SHF: variants seen among roughly 807,000 people sequenced by gnomAD.
SHF encodes Src homology 2 domain containing F.
In SHF, 30 loss-of-function variants were observed where a neutral mutation model predicts 42.4. The observed-to-expected ratio is 0.71, with a 90% CI of 0.53 to 0.96. SHF has a LOEUF of 0.96. SHF is among the 40% of genes least tolerant of loss of function. The probability of loss-of-function intolerance (pLI) is 0.00; values close to 1 mark genes in which losing one functional copy is unlikely to be tolerated. For synonymous variants in SHF, 264 were observed against 269.9 expected, an observed-to-expected ratio of 0.98 and a Z score of 0.21; for missense variants, 598 against 634.0, an observed-to-expected ratio of 0.94 and a Z score of 0.61.
chr15:45,186,331 G>A (rs982218226), intron 1 of SHF, among the ~76,000 whole-genome samples: 1 of 152,346 alleles, frequency 6.6e-6, no homozygotes, highest in South Asian at 2.1e-4. Context: ...GCGGAACGGC[G>A]CTCTCTCAGC....
At position 45,167,992 on chromosome 15, in the gene SHF, G is replaced by A. The variant is rs1442280331; in HGVS notation, c.1422C>T (p.Ala474=). The change falls in exon 7 of 7, where the codon GCC becomes GCT. Residue 474 remains alanine, a synonymous_variant. Transcript: ENST00000690270. ...CAGGGTAGAGCAGGGACATGTGTTC[G>A]GCTCCCTTAATGGGTAGCTTGCGGC... ...YASRKLPIKG[A]EHMSLLYPVA... 3 of 1,613,094 alleles carry A rather than the reference G, an allele frequency of 1.9e-6. No homozygotes were observed. The highest frequency in any genetic ancestry group is 2.5e-6 in the Non-Finnish European group (3 of 1,179,426).
upstream of SHF, among the ~76,000 whole-genome samples, chr15:45,191,803 T>G (rs1210807376): frequency 6.6e-6 from 1 of 152,076 alleles, no homozygotes; most frequent in Non-Finnish European, 1.5e-5. Flanking sequence ...GAAAGTATAC[T>G]GGAGGCTGGG....
intron 2 of SHF, among the ~76,000 whole-genome samples, chr15:45,176,335 T>C (rs1350459543): frequency 2.0e-5 from 3 of 150,386 alleles, no homozygotes; most frequent in African/African-American, 7.4e-5. Context: ...TATTTTGTCC[T>C]TCCTGACTAT....
chr15:45,179,821 G>A (rs557487607), intron 1 of SHF, among the ~76,000 whole-genome samples: 1 of 152,316 alleles, frequency 6.6e-6, no homozygotes, highest in Middle Eastern at 3.4e-3. Context: ...GCCAGACCAG[G>A]GCTGTAGGAG....
chr15:45,171,747 C>T, intron 6 of SHF, 136 bp downstream of exon 6: 7 of 890,408 alleles, frequency 7.9e-6, no homozygotes, highest in Non-Finnish European at 1.2e-5. Context: ...GAGTCTCAGA[C>T]ATCTCAGGAC....
chr15:45,168,669 C>T (rs1043169314), intron 6 of SHF, among the ~76,000 whole-genome samples: 3 of 152,148 alleles, frequency 2.0e-5, no homozygotes, highest in African/African-American at 7.2e-5. Context: ...CTGGAAGACC[C>T]CCCAAAATCT....
At chr15:45,169,439 G>A (rs1458187575) in intron 6 of SHF, among the ~76,000 whole-genome samples, 16 of 152,174 alleles carry the variant, frequency 1.1e-4, no homozygotes, top group Admixed American at 9.8e-4. Context: ...CAGGGTGGCC[G>A]GGGCCATCTG....
At position 45,195,783 on chromosome 15, in the gene SHF, G is replaced by C. The variant is rs146748971; in HGVS notation, c.303+2989C>G. 4.6e-3 allele frequency among the ~76,000 whole-genome samples: 706 copies of C among 152,206 alleles called. 1 individual carries two copies. Among genetic ancestry groups the C allele is most frequent in the African/African-American group, 0.017 (687 of 41,514 alleles). On this transcript the variant is annotated intron_variant, in intron 2 of 7. Transcript: ENST00000290894. ...CTTCACTCCTGTTTGCCTGGCTTTGGGTGTCCAGTTCTGTCCTGAACTCTG... is the reference window on the plus strand; with the variant it reads ...CTTCACTCCTGTTTGCCTGGCTTTGCGTGTCCAGTTCTGTCCTGAACTCTG...
intron 2 of SHF, chr15:45,198,663 C>G: frequency 7.0e-7 from 1 of 1,427,662 alleles, no homozygotes; most frequent in Non-Finnish European, 9.4e-7. Context: ...GTACTAACCA[C>G]TATACGATCA....
chr15:45,177,644 G>T (rs1172451353), intron 2 of SHF, among the ~76,000 whole-genome samples: 1 of 152,064 alleles, frequency 6.6e-6, no homozygotes, highest in African/African-American at 2.4e-5. Flanking sequence ...GGCTTGGACA[G>T]ACCCACCCTG....
chr15:45,182,475 A>T (rs529153297), intron 1 of SHF, among the ~76,000 whole-genome samples: 3 of 152,352 alleles, frequency 2.0e-5, no homozygotes, highest in Admixed American at 1.3e-4. Flanking sequence ...AGCTCTGAGG[A>T]TAATCTTTTC....
chr15:45,198,272 A>AAAAT, intron 2 of SHF, among the ~76,000 whole-genome samples: 1 of 152,216 alleles, frequency 6.6e-6, no homozygotes, highest in Admixed American at 6.5e-5. Flanking sequence ...GACTGTCTCA[A>AAAAT]AAATAAATAA....
chr15:45,170,778 A>G, intron 6 of SHF: 1 of 230,364 alleles, frequency 4.3e-6, no homozygotes, highest in Non-Finnish European at 8.7e-6. Context: ...CAGCCTCCCG[A>G]GTAGCTGGCA....
intron 1 of SHF, among the ~76,000 whole-genome samples, chr15:45,178,534 C>CTTT (rs3067019): frequency 1.6e-4 from 20 of 126,580 alleles, no homozygotes; most frequent in South Asian, 2.6e-4. Flanking sequence ...TTCCTTCTTT[C>CTTT]TTTTTTTTTT....
Position 45,175,422 on chromosome 15 carries a change from A to G in SHF, c.644T>C (p.Ile215Thr). 1 of 1,578,260 alleles carries G rather than the reference A, an allele frequency of 6.3e-7. No individual in the cohort carries two copies. The highest frequency in any genetic ancestry group is 8.6e-7 in the Non-Finnish European group (1 of 1,161,788). ...AGTTGCTGTCTCCTTGGAGCCCCGG[A>G]TCTCTGCCGGAGCAGGGCAGGAAGG... ...PYEAQKMMAE[I>T]RGSKETATQP... Residue 215 changes from isoleucine (I) to threonine (T), a missense_variant, in exon 3 of 7, where the codon ATC (isoleucine) becomes ACC (threonine). Ile to Thr is a moderately conservative substitution (Grantham distance 89). Transcript: ENST00000690270.
chr15:45,170,588 C>G (rs1437367922), intron 6 of SHF: 3 of 419,424 alleles, frequency 7.2e-6, no homozygotes, highest in Non-Finnish European at 8.2e-6. Context: ...GTATCAAATC[C>G]AAGAATAGAA....
chr15:45,172,426 C>T, intron 4 of SHF, 108 bp from the exon 5 acceptor site: 1 of 1,237,508 alleles, frequency 8.1e-7, no homozygotes, highest in South Asian at 1.6e-5. Flanking sequence ...CAGAAAGGAT[C>T]AAAGGAATGC....
intron 2 of SHF, among the ~76,000 whole-genome samples, chr15:45,176,207 C>G (rs1005483759): frequency 2.0e-5 from 3 of 152,086 alleles, no homozygotes; most frequent in Non-Finnish European, 2.9e-5. Flanking sequence ...TTCCCTTCGA[C>G]AAGTTACGTT....
intron 1 of SHF, among the ~76,000 whole-genome samples, chr15:45,181,651 T>C (rs1898133961): frequency 6.6e-6 from 1 of 152,048 alleles, no homozygotes; most frequent in Non-Finnish European, 1.5e-5. Context: ...TCCTCTGGAG[T>C]GACATCACCT....
Sources: gnomAD v4.1 joint callset for allele counts (sites outside exome capture counted in the v4.1 genomes callset) on GRCh38, gnomAD v4.1.1 for gene constraint, MANE v1.5 for transcripts, NCBI Gene and HGNC (gene_info 2026-07-23, HGNC 2026-07-21) for gene names.